Variants in PHRF1 observed in about 807,000 individuals in gnomAD.
The protein encoded by PHRF1 is PHD and RING finger domain-containing protein 1.
PHRF1 carries 53 observed loss-of-function variants against 128.9 expected under a neutral mutation model. The ratio of observed to expected loss-of-function variants is 0.41; its 90% CI spans 0.33 to 0.52. PHRF1 has a LOEUF of 0.52. PHRF1 is among the 20% of genes least tolerant of loss of function. The pLI is 0.21. For synonymous variants in PHRF1, 1,178 were observed against 980.6 expected (o/e 1.20, Z -3.76); for missense variants, 2,503 against 2,284.5 (o/e 1.10, Z -1.95).
Position 582,071 on chromosome 11 carries a change from A to G in PHRF1, c.204A>G (p.Glu68=), listed in dbSNP as rs1361581927. ...DEGASEEEDL[E]DRSGSEDSED... is the part of the protein sequence containing the mutation. ...GGGCGTCTGAGGAGGAAGACCTGGAAGACAGATCTGGTGAGACAGCTGGTG... is the reference window on the plus strand; with the variant it reads ...GGGCGTCTGAGGAGGAAGACCTGGAGGACAGATCTGGTGAGACAGCTGGTG... The change falls in exon 3 of 18, where the codon GAA becomes GAG. Residue 68 remains glutamate (E), a synonymous_variant. Transcript: ENST00000264555. 2 of 1,595,906 alleles carry G rather than the reference A, an allele frequency of 1.3e-6. No homozygotes were observed. Among genetic ancestry groups the G allele is most frequent in the African/African-American group, 2.7e-5 (2 of 74,640 alleles).
chr11:585,680 CTT>C lies in PHRF1; in HGVS notation c.215-1562_215-1561del, dbSNP rs1212904400. ...AGCTTGAGGTAGTAGCTCTTCAACT[CTT>C]TTTTTTTTTTTTTTTTGAGGTCGAG... is the stretch of plus-strand genomic sequence containing the variant. On this transcript the variant is annotated intron_variant, in intron 3 of 17. Coordinates refer to ENST00000264555, the MANE Select transcript of PHRF1 (RefSeq NM_001286581.2). Among the ~76,000 whole-genome samples, 9 of 70,354 alleles carry C rather than the reference CTT, an allele frequency of 1.3e-4. 1 individual carries two copies. The highest frequency in any genetic ancestry group is 8.5e-3 in the Middle Eastern group (1 of 118). The allele number at this position is 70,354 out of a possible 152,430, so 46.2% of individuals were successfully genotyped here.
At chr11:581,736 T>A in intron 2 of PHRF1, 130 bp downstream of exon 2, 1 of 1,046,838 alleles carries the variant, frequency 9.6e-7, no homozygotes, top group Non-Finnish European at 1.3e-6. Context: ...GATTTTAAAT[T>A]GCGGAAGTAG....
At chr11:579,095 C>G (rs1455614624) in intron 1 of PHRF1, among the ~76,000 whole-genome samples, 1 of 152,226 alleles carries the variant, frequency 6.6e-6, no homozygotes, top group Non-Finnish European at 1.5e-5. Flanking sequence ...CCACCTTGGT[C>G]TCCCAAAGTG....
rs372837391 is a variant in PHRF1 at position 601,548 on chromosome 11, C to A, written c.1025-26C>A. 13 of 1,613,144 alleles carry A rather than the reference C, an allele frequency of 8.1e-6. No individual in the cohort carries two copies. The African/African-American group carries it at 1.3e-4, about 17-fold the overall frequency. On this transcript the variant is annotated intron_variant, in intron 9 of 17. Coordinates refer to ENST00000264555, the MANE Select transcript of PHRF1 (RefSeq NM_001286581.2). ...GCAGGGAGGGCCCAGCACAGAGAAGCACAGACTTCAACCTCTTTTCCTTAG... is the reference window on the plus strand; with the variant it reads ...GCAGGGAGGGCCCAGCACAGAGAAGAACAGACTTCAACCTCTTTTCCTTAG...
chr11:591,402 G>T lies in PHRF1; in HGVS notation c.439G>T (p.Val147Phe). The T allele has an allele frequency of 6.2e-7, 1 of 1,608,848 alleles. No individual in the cohort carries two copies. The highest frequency in any genetic ancestry group is 8.5e-7 in the Non-Finnish European group (1 of 1,177,908). The change falls in exon 5 of 18, where the codon GTT (valine) becomes TTT (phenylalanine). Residue 147 changes from valine (V) to phenylalanine (F), a missense_variant. Coordinates refer to ENST00000264555, the MANE Select transcript of PHRF1 (RefSeq NM_001286581.2). The part of the protein sequence containing the change: ...EWSKNANSCP[V>F]DRTLFKCICI... ...CTCACAGAATGCCAATTCCTGTCCA[G>T]TTGATCGAACTCTATTTAAGTGCAT...
chr11:600,334 G>C (rs1207161332), intron 9 of PHRF1, among the ~76,000 whole-genome samples: 1 of 149,672 alleles, frequency 6.7e-6, no homozygotes, highest in African/African-American at 2.5e-5. Flanking sequence ...TGCAACCTCT[G>C]CCTCCCAGGC....
intron 4 of PHRF1, among the ~76,000 whole-genome samples, chr11:588,029 C>G (rs1854685252): frequency 6.6e-6 from 1 of 152,186 alleles, no homozygotes; most frequent in African/African-American, 2.4e-5. Context: ...AGCTTGCAGT[C>G]TGAGGATGAC....
At chr11:580,563 C>T (rs1380321086) in intron 1 of PHRF1, among the ~76,000 whole-genome samples, 1 of 152,210 alleles carries the variant, frequency 6.6e-6, no homozygotes. Flanking sequence ...CAACAGTGGC[C>T]AGCCTTGGCA....
rs1856006479 is a variant in PHRF1 at position 607,246 on chromosome 11, G to A, written c.1790G>A (p.Gly597Glu). Reference sequence around the variant, plus strand: ...TCCCGCACCCCCGCCCGCACCGCGGGGGCGCCTGTGAGGCTGGACTTGCCA... The same window carrying A: ...TCCCGCACCCCCGCCCGCACCGCGGAGGCGCCTGTGAGGCTGGACTTGCCA... ...GRSRTPARTA[G>E]APVRLDLPAA... The change falls in exon 14 of 18, where the codon GGG becomes GAG. Residue 597 changes from glycine (G) to glutamate (E), a missense_variant. Coordinates refer to ENST00000264555, the MANE Select transcript of PHRF1 (RefSeq NM_001286581.2). 1.2e-6 allele frequency: 2 copies of A among 1,612,426 alleles called. No homozygotes were observed. Among genetic ancestry groups the A allele is most frequent in the Non-Finnish European group, 1.7e-6 (2 of 1,179,746 alleles).
intron 3 of PHRF1, among the ~76,000 whole-genome samples, chr11:586,272 C>T (rs1358415492): frequency 1.3e-5 from 2 of 152,226 alleles, no homozygotes; most frequent in Admixed American, 6.5e-5. Flanking sequence ...GGATTACAGG[C>T]GTGAGCCACC....
chr11:607,562 G>A lies in PHRF1; in HGVS notation c.2106G>A (p.Gln702=). ...GRRDAAPAHG[Q]SIEIPSACIS... The stretch of plus-strand genomic sequence containing the variant: ...GGGATGCGGCCCCGGCCCACGGGCA[G>A]AGCATTGAGATCCCCAGTGCCTGCA... The change falls in exon 14 of 18, where the codon CAG becomes CAA. Residue 702 remains glutamine (Q), a synonymous_variant. Transcript: ENST00000264555. The A allele has an allele frequency of 1.2e-6, 2 of 1,612,422 alleles. No individual in the cohort carries two copies. Among genetic ancestry groups the A allele is most frequent in the Non-Finnish European group, 1.7e-6 (2 of 1,179,838 alleles).
At chr11:599,253 C>CTTTTTTTTTTT (rs754658303) in intron 9 of PHRF1, among the ~76,000 whole-genome samples, 2 of 104,980 alleles carry the variant, frequency 1.9e-5, no homozygotes, top group Non-Finnish European at 3.7e-5. Flanking sequence ...TTTTTCTTTT[C>CTTTTTTTTTTT]TTTTTTTTTT....
chr11:581,450 C>A, intron 1 of PHRF1, 42 bp from the exon 2 acceptor site: 1 of 1,577,716 alleles, frequency 6.3e-7, no homozygotes, highest in Non-Finnish European at 8.7e-7. Flanking sequence ...TTCTTTGCAG[C>A]CTGGGACAGT....
Position 605,708 on chromosome 11 carries a change from T to C in PHRF1, c.1438T>C (p.Ser480Pro). ...CCACCAGCCCGTGGCCAGGCCCGTCTCCGTGGGGCTTTCCAGGTGTGTGAG... is the reference window on the plus strand; with the variant it reads ...CCACCAGCCCGTGGCCAGGCCCGTCCCCGTGGGGCTTTCCAGGTGTGTGAG... ...QSHQPVARPVSVGLSRRRLPA... is the reference protein window; with the variant it reads ...QSHQPVARPVPVGLSRRRLPA... The change falls in exon 12 of 18, where the codon TCC becomes CCC. Residue 480 changes from serine (S) to proline (P), a missense_variant. Physicochemically the swap from Ser to Pro is moderately conservative, Grantham distance 74 (BLOSUM62 -1). Coordinates refer to ENST00000264555, the MANE Select transcript of PHRF1 (RefSeq NM_001286581.2). 1 of 1,611,508 alleles carries C rather than the reference T, an allele frequency of 6.2e-7. No homozygotes were observed. Among genetic ancestry groups the C allele is most frequent in the Non-Finnish European group, 8.5e-7 (1 of 1,179,682 alleles).
intron 4 of PHRF1, among the ~76,000 whole-genome samples, chr11:590,282 C>G (rs2132930600): frequency 6.6e-6 from 1 of 152,292 alleles, no homozygotes; most frequent in African/African-American, 2.4e-5. Flanking sequence ...GGTGTTTACC[C>G]AAGAGAAACA....
chr11:582,497 A>G lies in PHRF1; in HGVS notation c.214+416A>G, dbSNP rs902243511. Among the ~76,000 whole-genome samples, 7 of 151,520 alleles carry G rather than the reference A, an allele frequency of 4.6e-5. No individual in the cohort carries two copies. The East Asian group carries it at 9.8e-4, about 21-fold the overall frequency. ...TGGTCTGGAACTCTTCCTGACCTCA[A>G]GTGAGCCGCTGTGCCTGGCCTGTAG... On this transcript the variant is annotated intron_variant, in intron 3 of 17. Transcript: ENST00000264555.
At chr11:599,365 C>G (rs1332692115) in intron 9 of PHRF1, among the ~76,000 whole-genome samples, 1 of 150,616 alleles carries the variant, frequency 6.6e-6, no homozygotes, top group Admixed American at 6.7e-5. Flanking sequence ...TTTCTCCTGC[C>G]TCAGCCTCCC....
intron 10 of PHRF1, 27 bp downstream of exon 10, chr11:601,728 T>C: frequency 6.2e-7 from 1 of 1,612,676 alleles, no homozygotes; most frequent in Non-Finnish European, 8.5e-7. Flanking sequence ...AGGGCCTGAG[T>C]CTCCTGCTGG....
At chr11:596,668 C>T (rs1403213948) in intron 6 of PHRF1, among the ~76,000 whole-genome samples, 4 of 152,232 alleles carry the variant, frequency 2.6e-5, no homozygotes, top group East Asian at 3.8e-4. Context: ...ACGGCCGCCT[C>T]CCCGCTGTGA....
Sources: gnomAD v4.1 joint callset for allele counts (sites outside exome capture counted in the v4.1 genomes callset) on GRCh38, gnomAD v4.1.1 for gene constraint, MANE v1.5 for transcripts, NCBI Gene and HGNC (gene_info 2026-07-23, HGNC 2026-07-21) for gene names.